PPP1R1C: variants seen among roughly 807,000 people sequenced by gnomAD.
PPP1R1C encodes protein phosphatase 1 regulatory inhibitor subunit 1C.
PPP1R1C carries 15 observed loss-of-function variants against 17.4 expected under a neutral mutation model. The observed-to-expected ratio is 0.86, with a 90% CI of 0.58 to 1.33. The LOEUF (loss-of-function observed/expected upper bound fraction) is 1.33. Among genes scored for constraint, PPP1R1C ranks in the 40% most tolerant of loss-of-function variants. PPP1R1C has a pLI of 0.00. For missense variants in PPP1R1C, 143 were observed against 130.0 expected, an observed-to-expected ratio of 1.10 and a Z score of -0.48; for synonymous variants, 35 against 43.1, an observed-to-expected ratio of 0.81 and a Z score of 0.73.
At chr2:182,126,818 A>T (rs904101460) in intron 5 of PPP1R1C, among the ~76,000 whole-genome samples, 1 of 152,068 alleles carries the variant, frequency 6.6e-6, no homozygotes, top group African/African-American at 2.4e-5. Flanking sequence ...TGGTGTATAG[A>T]GGGAAGATGA....
chr2:181,998,294 T>C (rs1319485178), intron 2 of PPP1R1C, among the ~76,000 whole-genome samples: 1 of 152,232 alleles, frequency 6.6e-6, no homozygotes, highest in Non-Finnish European at 1.5e-5. Flanking sequence ...TTGCCCATTC[T>C]GGTTTGTGTG....
chr2:182,018,007 CTT>C (rs1686309352), intron 2 of PPP1R1C, among the ~76,000 whole-genome samples: 1 of 152,066 alleles, frequency 6.6e-6, no homozygotes, highest in Non-Finnish European at 1.5e-5. Context: ...TAGTTTGAGA[CTT>C]TATGTATTAT....
chr2:182,049,196 G>T (rs535160776), intron 2 of PPP1R1C, among the ~76,000 whole-genome samples: 12 of 152,082 alleles, frequency 7.9e-5, no homozygotes, highest in Admixed American at 2.6e-4. Flanking sequence ...TGGGTGTGGT[G>T]GCGGGTGCCT....
intron 2 of PPP1R1C, among the ~76,000 whole-genome samples, chr2:182,027,709 A>G (rs1686664376): frequency 6.6e-6 from 1 of 151,208 alleles, no homozygotes; most frequent in South Asian, 2.1e-4. Flanking sequence ...TTGGTATCAG[A>G]ATGATGCTAG....
At chr2:182,114,790 G>T (rs1352879048) in intron 4 of PPP1R1C, among the ~76,000 whole-genome samples, 3 of 152,112 alleles carry the variant, frequency 2.0e-5, no homozygotes, top group Admixed American at 2.0e-4. Flanking sequence ...TCTAACATTT[G>T]TCCAAGCGAG....
chr2:182,029,005 G>A (rs1293080100), intron 2 of PPP1R1C, among the ~76,000 whole-genome samples: 1 of 140,484 alleles, frequency 7.1e-6, no homozygotes, highest in Non-Finnish European at 1.5e-5. Flanking sequence ...TTGGTTTAAA[G>A]TCTGTTTTAT....
In PPP1R1C at chr2:181,988,547, G is replaced by A. The variant is rs187919059; in HGVS notation, c.142+648G>A. Among the ~76,000 whole-genome samples the A allele has an allele frequency of 1.8e-3, 280 of 152,346 alleles. 1 individual carries two copies. The highest frequency in any genetic ancestry group is 0.017 in the Middle Eastern group (5 of 294). Reference sequence around the variant, plus strand: ...AACATTATTTACTTATTGAAGCGGGGTGATTTTTAGTCTCACATTTAAGTG... The same window carrying A: ...AACATTATTTACTTATTGAAGCGGGATGATTTTTAGTCTCACATTTAAGTG... On this transcript the variant is annotated intron_variant, in intron 2 of 4. Coordinates refer to ENST00000682840, the MANE Select transcript of PPP1R1C (RefSeq NM_001080545.3).
At chr2:182,093,375 G>A (rs1400908054) in intron 4 of PPP1R1C, among the ~76,000 whole-genome samples, 2 of 152,186 alleles carry the variant, frequency 1.3e-5, no homozygotes, top group Admixed American at 1.3e-4. Context: ...AAAGGCTCCA[G>A]GCCTGTGATG....
upstream of PPP1R1C, among the ~76,000 whole-genome samples, chr2:181,983,555 T>C (rs1248653727): frequency 6.6e-6 from 1 of 152,196 alleles, no homozygotes; most frequent in Admixed American, 6.5e-5. Context: ...TATTTTACAT[T>C]TAAGTTGCAT....
chr2:182,007,936 TGG>T (rs1685971386), intron 2 of PPP1R1C, among the ~76,000 whole-genome samples: 1 of 151,842 alleles, frequency 6.6e-6, no homozygotes, highest in African/African-American at 2.4e-5. Flanking sequence ...GGAGTGGTGG[TGG>T]GTGTCTGTAG....
At chr2:182,035,581 G>A (rs1686979185) in intron 2 of PPP1R1C, among the ~76,000 whole-genome samples, 1 of 152,090 alleles carries the variant, frequency 6.6e-6, no homozygotes, top group Non-Finnish European at 1.5e-5. Flanking sequence ...TAATGTTTTA[G>A]CACCATCCCT....
At chr2:182,052,798 CAT>C (rs1040450794) in intron 2 of PPP1R1C, among the ~76,000 whole-genome samples, 93 of 152,246 alleles carry the variant, frequency 6.1e-4, no homozygotes, top group African/African-American at 2.0e-3. Flanking sequence ...TTTTTATTAA[CAT>C]GTTTGAATAT....
Position 181,961,202 on chromosome 2 carries a change from G to C in PPP1R1C, n.111+6568G>C. On this transcript the variant is annotated intron_variant and non_coding_transcript_variant, in intron 1 of 5. Coordinates refer to the PPP1R1C transcript ENST00000464264. The surrounding 1 kb of genome is among the most constrained non-coding windows in gnomAD (Gnocchi z 5.8). ...CCCAAAGGGTACCCTGCTTCTGCTG[G>C]CTTGATGTCTTAGAACTTTGGTGTC... 1.0e-5 allele frequency: 9 copies of C among 893,424 alleles called. No homozygotes were observed. The South Asian group carries it at 1.2e-4, about 12-fold the overall frequency. 55.3% of individuals were successfully genotyped at this position (893,424 alleles called of 1,614,324 possible).
intron 2 of PPP1R1C, among the ~76,000 whole-genome samples, chr2:181,999,578 A>G (rs756528162): frequency 6.6e-6 from 1 of 152,172 alleles, no homozygotes; most frequent in Non-Finnish European, 1.5e-5. Context: ...ATAAAATATA[A>G]GCAAGCTCCT....
At chr2:182,040,515 T>C (rs1687149664) in intron 2 of PPP1R1C, among the ~76,000 whole-genome samples, 1 of 152,214 alleles carries the variant, frequency 6.6e-6, no homozygotes, top group Admixed American at 6.5e-5. Context: ...ATTTTTTTTC[T>C]TGCAGATTTG....
chr2:182,094,975 A>C (rs1333825840), intron 4 of PPP1R1C, among the ~76,000 whole-genome samples: 2 of 152,190 alleles, frequency 1.3e-5, no homozygotes, highest in East Asian at 3.8e-4. Context: ...TCATTCGTGG[A>C]AGCTCATGAA....
intron 2 of PPP1R1C, among the ~76,000 whole-genome samples, chr2:181,996,263 G>A (rs754488571): frequency 6.6e-6 from 1 of 152,164 alleles, no homozygotes; most frequent in African/African-American, 2.4e-5. Context: ...TGGAGCTCAG[G>A]AAGGACCTGT....
At chr2:182,104,070 A>G (rs1423888409) in intron 4 of PPP1R1C, among the ~76,000 whole-genome samples, 1 of 152,168 alleles carries the variant, frequency 6.6e-6, no homozygotes, top group Non-Finnish European at 1.5e-5. Context: ...CCTTATTTTC[A>G]TTTTTAAGAT....
chr2:182,079,692 C>T (rs1688414995), intron 4 of PPP1R1C, among the ~76,000 whole-genome samples: 1 of 152,200 alleles, frequency 6.6e-6, no homozygotes, highest in Non-Finnish European at 1.5e-5. Flanking sequence ...TGTTTCCTCT[C>T]ACAGTTGGTG....
Sources: allele counts gnomAD v4.1 joint callset (sites outside exome capture counted in the v4.1 genomes callset), GRCh38; gene constraint gnomAD v4.1.1; non-coding constraint Gnocchi (gnomAD v3.1); transcripts MANE v1.5; gene names NCBI Gene and HGNC (gene_info 2026-07-23, HGNC 2026-07-21).